PTCHD4: variants seen among roughly 807,000 people sequenced by gnomAD.
The protein encoded by PTCHD4 is patched domain-containing protein 4.
A neutral mutation model predicts 58.1 loss-of-function variants in PTCHD4; 33 were observed. That is an observed-to-expected ratio of 0.57 (90% CI 0.43 to 0.76). The LOEUF (loss-of-function observed/expected upper bound fraction) is 0.76, where lower values mean the gene tolerates loss of function less well. Among genes scored for constraint, PTCHD4 ranks in the 30% least tolerant of loss-of-function variants. The probability of loss-of-function intolerance (pLI) is 0.00; values close to 1 mark genes in which losing one functional copy is unlikely to be tolerated. For synonymous variants in PTCHD4, 478 were observed against 409.6 expected (o/e 1.17, Z -2.02); for missense variants, 1,058 against 1,027.1 (o/e 1.03, Z -0.41).
chr6:47,972,241 T>C (rs1460498862), intron 4 of PTCHD4, among the ~76,000 whole-genome samples: 2 of 152,136 alleles, frequency 1.3e-5, no homozygotes, highest in East Asian at 3.8e-4. Context: ...AGAATAATTG[T>C]ATATGAATTT....
chr6:48,040,586 AT>A (rs1190866776), intron 3 of PTCHD4, among the ~76,000 whole-genome samples: 16 of 152,078 alleles, frequency 1.1e-4, no homozygotes, highest in African/African-American at 3.9e-4. Flanking sequence ...AACAAGGAGT[AT>A]TTTTTTATGA....
chr6:47,918,967 C>A (rs372329549), intron 4 of PTCHD4, among the ~76,000 whole-genome samples: 2 of 152,166 alleles, frequency 1.3e-5, no homozygotes, highest in South Asian at 4.1e-4. Flanking sequence ...GAGGTGCGAG[C>A]CATAGTGAAC....
chr6:48,020,840 A>C (rs946531296), intron 3 of PTCHD4, among the ~76,000 whole-genome samples: 11 of 152,146 alleles, frequency 7.2e-5, no homozygotes, highest in Non-Finnish European at 1.3e-4. Flanking sequence ...TTCAAGGGAA[A>C]TACATTGGCT....
At chr6:47,890,900 T>A in intron 4 of PTCHD4, 1 of 984,488 alleles carries the variant, frequency 1.0e-6, no homozygotes, top group Non-Finnish European at 1.2e-6. Flanking sequence ...CCTTCCATGC[T>A]TTTCAAGTTT....
At chr6:47,904,257 G>C (rs537697286) in intron 4 of PTCHD4, among the ~76,000 whole-genome samples, 17 of 152,226 alleles carry the variant, frequency 1.1e-4, no homozygotes, top group Non-Finnish European at 2.4e-4. Context: ...GTCAGTGCCA[G>C]TTAGGATAAC....
intron 4 of PTCHD4, among the ~76,000 whole-genome samples, chr6:47,932,354 A>G (rs932275697): frequency 2.6e-5 from 4 of 152,226 alleles, no homozygotes; most frequent in African/African-American, 9.7e-5. Flanking sequence ...AAAGGAAAGA[A>G]TGTTTGTCAA....
chr6:47,927,940 T>A (rs17715570), intron 4 of PTCHD4, among the ~76,000 whole-genome samples: 12,134 of 152,048 alleles, frequency 0.08, 604 homozygotes, highest in Non-Finnish European at 0.11. Context: ...TATTTTTTGA[T>A]CTCATATGCA....
chr6:47,921,520 G>A (rs1358264062), intron 4 of PTCHD4, among the ~76,000 whole-genome samples: 2 of 152,128 alleles, frequency 1.3e-5, no homozygotes, highest in African/African-American at 4.8e-5. Context: ...TTGCAGCTAC[G>A]TGTGGCCATG....
intron 4 of PTCHD4, among the ~76,000 whole-genome samples, chr6:47,986,926 C>T (rs895127393): frequency 5.9e-5 from 9 of 152,038 alleles, no homozygotes; most frequent in African/African-American, 1.4e-4. Context: ...TGTGTTGCAG[C>T]GTCATACTCT....
At chr6:47,941,928 T>G (rs1252276320) in intron 4 of PTCHD4, among the ~76,000 whole-genome samples, 1 of 152,232 alleles carries the variant, frequency 6.6e-6, no homozygotes, top group Non-Finnish European at 1.5e-5. Flanking sequence ...CTGATTCCAA[T>G]GCTTCAAGCA....
intron 4 of PTCHD4, among the ~76,000 whole-genome samples, chr6:47,908,132 C>G (rs116261411): frequency 0.012 from 1,879 of 152,178 alleles, 43 homozygotes; most frequent in African/African-American, 0.043. Flanking sequence ...ACTGCAAAGG[C>G]TGTGAAAACT....
intron 4 of PTCHD4, chr6:47,899,906 T>C (rs148743892): frequency 6.6e-6 from 1 of 152,334 alleles, no homozygotes; most frequent in African/African-American, 2.4e-5. Context: ...TTTCATGACT[T>C]CTTTCACTTA....
At position 48,069,679 on chromosome 6, in the gene PTCHD4, C is replaced by CGT. The variant is rs1764936776; in HGVS notation, c.-724_-723dup. Reference sequence around the variant, plus strand: ...AGTAGCCTGTGTGCGTGTGCGTGTGCGTGTGTGTGTATTGAAAGTGAAGAT... The same window carrying CGT: ...AGTAGCCTGTGTGCGTGTGCGTGTGCGTGTGTGTGTGTATTGAAAGTGAAGAT... On this transcript the variant is annotated 5_prime_UTR_variant, in exon 2 of 5. It introduces an in-frame stop codon into an upstream open reading frame of the 5' UTR. Coordinates refer to ENST00000339488, the MANE Select transcript of PTCHD4 (RefSeq NM_001384253.1). 6.8e-6 allele frequency among the ~76,000 whole-genome samples: 1 copy of CGT among 147,180 alleles called. No individual in the cohort carries two copies. The highest frequency in any genetic ancestry group is 2.5e-5 in the African/African-American group (1 of 39,422).
chr6:47,883,912 T>C (rs2114107895), intron 4 of PTCHD4, among the ~76,000 whole-genome samples: 1 of 152,298 alleles, frequency 6.6e-6, no homozygotes, highest in East Asian at 1.9e-4. Context: ...TACACACACA[T>C]ACTTAATTAT....
chr6:48,059,981 G>A (rs1318978821), intron 3 of PTCHD4, among the ~76,000 whole-genome samples: 1 of 152,098 alleles, frequency 6.6e-6, no homozygotes, highest in Non-Finnish European at 1.5e-5. Context: ...TATTCTCACA[G>A]CATCATGTAT....
chr6:47,952,645 T>C lies in PTCHD4; in HGVS notation c.898+55989A>G, dbSNP rs150801402. On this transcript the variant is annotated intron_variant, in intron 4 of 4. Transcript: ENST00000339488. ...CTTGCTATACCTTTCTTTATTTAGA[T>C]ATGCAAATGCTTATCACTGTAATAT... Among the ~76,000 whole-genome samples, 117 of 152,244 alleles carry C rather than the reference T, an allele frequency of 7.7e-4. 1 individual carries two copies. Among genetic ancestry groups the C allele is most frequent in the African/African-American group, 2.7e-3 (112 of 41,562 alleles).
chr6:47,972,529 T>C (rs956766233), intron 4 of PTCHD4, among the ~76,000 whole-genome samples: 7 of 152,132 alleles, frequency 4.6e-5, no homozygotes, highest in Non-Finnish European at 1.5e-5. Flanking sequence ...ATTCTAGAAA[T>C]GGATAGCCCT....
intron 4 of PTCHD4, among the ~76,000 whole-genome samples, chr6:47,908,227 A>C (rs1446090905): frequency 1.3e-5 from 2 of 152,150 alleles, no homozygotes; most frequent in African/African-American, 4.8e-5. Flanking sequence ...AAAGAAAACT[A>C]GGATCTATAA....
chr6:47,950,472 T>G (rs1465521498), intron 4 of PTCHD4, among the ~76,000 whole-genome samples: 5 of 152,046 alleles, frequency 3.3e-5, no homozygotes, highest in Non-Finnish European at 7.4e-5. Context: ...GTTACATAGA[T>G]ATTGGATGAG....
Sources: gnomAD v4.1 joint callset for allele counts (sites outside exome capture counted in the v4.1 genomes callset) on GRCh38, gnomAD v4.1.1 for gene constraint, MANE v1.5 for transcripts, NCBI Gene and HGNC (gene_info 2026-07-23, HGNC 2026-07-21) for gene names.